Variants in DACH1 observed in about 807,000 individuals in gnomAD.
DACH1 encodes the protein dachshund family transcription factor 1.
A neutral mutation model predicts 54.2 loss-of-function variants in DACH1; 12 were observed. The ratio of observed to expected loss-of-function variants is 0.22; its 90% CI spans 0.14 to 0.36. DACH1 has a LOEUF of 0.36. DACH1 is among the 10% of genes least tolerant of loss of function. DACH1 has a pLI of 1.00. For missense variants in DACH1, 805 were observed against 929.8 expected, an observed-to-expected ratio of 0.87 and a Z score of 1.75; for synonymous variants, 386 against 366.2, an observed-to-expected ratio of 1.05 and a Z score of -0.62.
chr13:71,770,445 A>G (rs749211707), intron 1 of DACH1, among the ~76,000 whole-genome samples: 4 of 151,650 alleles, frequency 2.6e-5, no homozygotes, highest in Non-Finnish European at 5.9e-5. Flanking sequence ...TCATTCTGCT[A>G]GTCTTAAATC....
At chr13:71,665,460 T>G (rs1239073081) in intron 2 of DACH1, among the ~76,000 whole-genome samples, 1 of 151,992 alleles carries the variant, frequency 6.6e-6, no homozygotes, top group Non-Finnish European at 1.5e-5. Flanking sequence ...ATCTTCAAAA[T>G]GAAACTATTT....
At chr13:71,864,172 C>A (rs1421562614) in intron 1 of DACH1, among the ~76,000 whole-genome samples, 4 of 123,852 alleles carry the variant, frequency 3.2e-5, no homozygotes, top group African/African-American at 1.1e-4. Context: ...TGAGCGCGCG[C>A]GCGCACATAC....
intron 1 of DACH1, among the ~76,000 whole-genome samples, chr13:71,690,138 A>C (rs1305232806): frequency 6.6e-6 from 1 of 152,194 alleles, no homozygotes; most frequent in Non-Finnish European, 1.5e-5. Context: ...ACCACTTGAT[A>C]AGTAAATGCA....
At position 71,735,293 on chromosome 13, in the gene DACH1, A is replaced by G. The variant is rs1459040469; in HGVS notation, c.849-53383T>C. ...ATACACGTATGTATATGGGATATAC[A>G]CGTATACGGGATATACGTGTATATG... On this transcript the variant is annotated intron_variant, in intron 1 of 10. Coordinates refer to ENST00000613252, the MANE Select transcript of DACH1 (RefSeq NM_080759.6). 1.6e-4 allele frequency among the ~76,000 whole-genome samples: 11 copies of G among 67,396 alleles called. 1 individual carries two copies. The highest frequency in any genetic ancestry group is 4.4e-4 in the Admixed American group (3 of 6,780). 44.2% of individuals were successfully genotyped at this position (67,396 alleles called of 152,430 possible).
chr13:71,733,012 C>G (rs1053331919), intron 1 of DACH1, among the ~76,000 whole-genome samples: 1 of 152,062 alleles, frequency 6.6e-6, no homozygotes, highest in Admixed American at 6.5e-5. Flanking sequence ...GTCTGGAATG[C>G]CTTTCCCCAA....
At chr13:71,641,577 T>C (rs973721593) in intron 2 of DACH1, among the ~76,000 whole-genome samples, 2 of 152,134 alleles carry the variant, frequency 1.3e-5, no homozygotes, top group Admixed American at 1.3e-4. Context: ...GTTTTAAAGT[T>C]GGATTATGGA....
chr13:71,474,654 T>C (rs1484250642), intron 10 of DACH1, among the ~76,000 whole-genome samples: 1 of 152,180 alleles, frequency 6.6e-6, no homozygotes, highest in Non-Finnish European at 1.5e-5. Context: ...TACAGAACAT[T>C]TGGAATCCAC....
chr13:71,671,077 A>G (rs1330067501), intron 2 of DACH1, among the ~76,000 whole-genome samples: 1 of 151,996 alleles, frequency 6.6e-6, no homozygotes, highest in Non-Finnish European at 1.5e-5. Flanking sequence ...TCATTGTTTT[A>G]TCATTTCTGA....
intron 3 of DACH1, among the ~76,000 whole-genome samples, chr13:71,598,057 G>T (rs968627251): frequency 1.4e-5 from 2 of 147,872 alleles, no homozygotes; most frequent in Non-Finnish European, 3.0e-5. Flanking sequence ...TCCAGTCTGG[G>T]CAACAGAGCA....
At chr13:71,640,526 T>C (rs914527269) in intron 2 of DACH1, among the ~76,000 whole-genome samples, 1 of 152,012 alleles carries the variant, frequency 6.6e-6, no homozygotes, top group Non-Finnish European at 1.5e-5. Context: ...ATAAAACAAA[T>C]TCCAACCAGA....
In DACH1 at chr13:71,509,956, C is replaced by G. The variant is rs1235151458; in HGVS notation, c.1571-20808G>C. 5.9e-5 allele frequency among the ~76,000 whole-genome samples: 9 copies of G among 152,048 alleles called. 1 individual carries two copies. The East Asian group carries it at 1.7e-3, about 29-fold the overall frequency. On this transcript the variant is annotated intron_variant, in intron 6 of 10. Transcript: ENST00000613252. ...TCTAGTCAACTTTTTATTCCCAGTT[C>G]TCTAGTATAACTACTTTTATCAAAG...
intron 1 of DACH1, among the ~76,000 whole-genome samples, chr13:71,792,200 T>G (rs73525488): frequency 4.1e-3 from 622 of 152,302 alleles, no homozygotes; most frequent in African/African-American, 0.014. Context: ...GCCCAGTAAA[T>G]TTCTCTGAAT....
chr13:71,541,071 G>T (rs1020527188), intron 6 of DACH1, among the ~76,000 whole-genome samples: 3 of 151,834 alleles, frequency 2.0e-5, no homozygotes, highest in Non-Finnish European at 4.4e-5. Flanking sequence ...ATGTAATAAT[G>T]AATTACGTTA....
intron 1 of DACH1, among the ~76,000 whole-genome samples, chr13:71,715,709 A>G (rs1277450157): frequency 6.6e-6 from 1 of 152,044 alleles, no homozygotes; most frequent in Non-Finnish European, 1.5e-5. Flanking sequence ...TTTTATGTAA[A>G]TAAAAAGACA....
At position 71,516,289 on chromosome 13, in the gene DACH1, C is replaced by T. The variant is rs1881152105; in HGVS notation, c.1571-27141G>A. On this transcript the variant is annotated intron_variant, in intron 6 of 10. Coordinates refer to ENST00000613252, the MANE Select transcript of DACH1 (RefSeq NM_080759.6). ...TCCCATTCCACTTGCTCAAATAGTA[C>T]AATTAAAATAATTCCCCTATCTTGT... Among the ~76,000 whole-genome samples, 3 of 151,850 alleles carry T rather than the reference C, an allele frequency of 2.0e-5. No homozygotes were observed. In the South Asian group the frequency reaches 6.2e-4, roughly 31 times the overall value.
intron 3 of DACH1, among the ~76,000 whole-genome samples, chr13:71,608,676 AC>A (rs1318260613): frequency 6.6e-6 from 1 of 152,126 alleles, no homozygotes; most frequent in East Asian, 1.9e-4. Context: ...TAATCCTAAA[AC>A]TAAATTATTC....
intron 1 of DACH1, among the ~76,000 whole-genome samples, chr13:71,691,208 T>C (rs1411218769): frequency 6.6e-6 from 1 of 152,216 alleles, no homozygotes; most frequent in Non-Finnish European, 1.5e-5. Flanking sequence ...CCATTGCTCC[T>C]ATCTCAAAAT....
At chr13:71,814,947 A>C (rs1887851763) in intron 1 of DACH1, among the ~76,000 whole-genome samples, 1 of 152,202 alleles carries the variant, frequency 6.6e-6, no homozygotes, top group Non-Finnish European at 1.5e-5. Context: ...AGTTGGGGGA[A>C]ATTAAGCAGT....
chr13:71,540,475 A>C (rs1474026998), intron 6 of DACH1, among the ~76,000 whole-genome samples: 1 of 152,112 alleles, frequency 6.6e-6, no homozygotes, highest in Non-Finnish European at 1.5e-5. Flanking sequence ...TTTAACTATA[A>C]ACCATAATCT....
Sources: gnomAD v4.1 joint callset for allele counts (sites outside exome capture counted in the v4.1 genomes callset) on GRCh38, gnomAD v4.1.1 for gene constraint, MANE v1.5 for transcripts, NCBI Gene and HGNC (gene_info 2026-07-23, HGNC 2026-07-21) for gene names.